Variants in PLA2G4D observed in about 807,000 individuals in gnomAD.
The protein encoded by PLA2G4D is phospholipase A2 group IVD, also known as cytosolic phospholipase A2 delta.
In PLA2G4D, 80 loss-of-function variants were observed where a neutral mutation model predicts 94.4. The ratio of observed to expected loss-of-function variants is 0.85; its 90% confidence interval spans 0.71 to 1.02. The LOEUF is 1.02. PLA2G4D is among the 50% of genes least tolerant of loss of function. PLA2G4D has a pLI of 0.00. For synonymous variants in PLA2G4D, 438 were observed against 440.9 expected, an observed-to-expected ratio of 0.99 and a Z score of 0.08; for missense variants, 1,050 against 1,034.7, an observed-to-expected ratio of 1.01 and a Z score of -0.20.
In PLA2G4D at chr15:42,083,790, C is replaced by A. The variant is rs778530217; in HGVS notation, c.472-11G>T. On this transcript the variant is annotated splice_polypyrimidine_tract_variant and intron_variant, in intron 6 of 19. Coordinates refer to ENST00000290472, the MANE Select transcript of PLA2G4D (RefSeq NM_178034.4). ...TGACAGCTCTCGGGCCTGGGGAAGA[C>A]CACATCATGGGCAGGGGCCTCTGCA... 6 of 1,613,278 alleles carry A rather than the reference C, an allele frequency of 3.7e-6. No individual in the cohort carries two copies. The East Asian group carries it at 1.3e-4, about 36-fold the overall frequency.
chr15:42,086,252 A>C lies in PLA2G4D; in HGVS notation c.348T>G (p.Pro116=). The change falls in exon 4 of 20, where the codon CCT becomes CCG. Residue 116 remains proline, a synonymous_variant. Transcript: ENST00000290472. ...AGAAGGTTTTCCGGAGCAGCTTGCC[A>C]GGGAGGACTTCTGAGATGTCATAGA... ...KVLYDISEVL[P]GKLLRKTFSQ... The C allele has an allele frequency of 7.3e-7, 1 of 1,372,452 alleles. No individual in the cohort carries two copies. Among genetic ancestry groups the C allele is most frequent in the Non-Finnish European group, 9.6e-7 (1 of 1,039,754 alleles). The allele number at this position is 1,372,452 out of a possible 1,614,324, so 85.0% of individuals were successfully genotyped here.
intron 1 of PLA2G4D, 62 bp downstream of exon 1, chr15:42,094,353 G>A: frequency 6.3e-7 from 1 of 1,588,370 alleles, no homozygotes; most frequent in Non-Finnish European, 8.6e-7. Flanking sequence ...ACACTTCCCA[G>A]AATGCACCCT....
chr15:42,072,229 G>A, intron 14 of PLA2G4D, 46 bp downstream of exon 14: 4 of 1,509,556 alleles, frequency 2.6e-6, no homozygotes, highest in Non-Finnish European at 2.8e-6. Context: ...GGGTGCAGAG[G>A]GTTTGGGGGG....
chr15:42,072,081 C>T (rs537619733), intron 14 of PLA2G4D, among the ~76,000 whole-genome samples, 170 bp from the exon 15 acceptor site: 1 of 152,166 alleles, frequency 6.6e-6, no homozygotes, highest in Non-Finnish European at 1.5e-5. Context: ...ACACCCCTCC[C>T]AGCCCTTGGT....
Position 42,083,339 on chromosome 15 carries a change from G to A in PLA2G4D, c.536-5C>T, listed in dbSNP as rs780164642. 6.2e-7 allele frequency: 1 copy of A among 1,611,408 alleles called. No homozygotes were observed. The highest frequency in any genetic ancestry group is 8.5e-7 in the Non-Finnish European group (1 of 1,179,082). On this transcript the variant is annotated splice_region_variant and splice_polypyrimidine_tract_variant and intron_variant, in intron 7 of 19. Transcript: ENST00000290472. The stretch of plus-strand genomic sequence containing the variant: ...CCAGCTCCAGCTTGTCCTGATCTAG[G>A]GAGAGAGTAGGCGGGTTAGCATGAG...
intron 8 of PLA2G4D, among the ~76,000 whole-genome samples, chr15:42,082,871 G>C (rs1247261866): frequency 6.6e-6 from 1 of 152,196 alleles, no homozygotes; most frequent in Non-Finnish European, 1.5e-5. Flanking sequence ...TCGTGCATGG[G>C]GGGAGTGTGG....
At position 42,087,675 on chromosome 15, in the gene PLA2G4D, A is replaced by G; in HGVS notation, c.71T>C (p.Leu24Pro). The G allele has an allele frequency of 6.2e-7, 1 of 1,614,138 alleles. No homozygotes were observed. The highest frequency in any genetic ancestry group is 8.5e-7 in the Non-Finnish European group (1 of 1,180,010). Reference sequence around the variant, plus strand: ...CCGCGCCTCCAGGACCCTCACTGTGAGCTGCCAGCAGGTAGAGGCCTCCCC... The same window carrying G: ...CCGCGCCTCCAGGACCCTCACTGTGGGCTGCCAGCAGGTAGAGGCCTCCCC... ...YQGEASTCWQLTVRVLEARNL... is the reference protein window; with the variant it reads ...YQGEASTCWQPTVRVLEARNL... The change falls in exon 2 of 20, where the codon CTC becomes CCC. Residue 24 changes from leucine to proline, a missense_variant. By Grantham distance (98) the Leu-to-Pro change is moderately conservative. Coordinates refer to ENST00000290472, the MANE Select transcript of PLA2G4D (RefSeq NM_178034.4).
chr15:42,072,127 A>T (rs547883417), intron 14 of PLA2G4D, 148 bp downstream of exon 14: 1 of 964,762 alleles, frequency 1.0e-6, no homozygotes, highest in African/African-American at 1.6e-5. Context: ...TCAAGCACAG[A>T]GAGATGCCCT....
At chr15:42,093,523 T>A (rs575180148) in intron 1 of PLA2G4D, among the ~76,000 whole-genome samples, 20 of 152,266 alleles carry the variant, frequency 1.3e-4, no homozygotes, top group Admixed American at 1.3e-3. Context: ...CTCCCCCGCA[T>A]CCAAATGTCC....
chr15:42,076,798 C>T (rs1889937104), intron 13 of PLA2G4D, among the ~76,000 whole-genome samples: 1 of 152,110 alleles, frequency 6.6e-6, no homozygotes, highest in Non-Finnish European at 1.5e-5. Flanking sequence ...TTTGGCAATA[C>T]CTAGGAAAGT....
At chr15:42,086,853 A>AAAAAC (rs200864190) in intron 3 of PLA2G4D, among the ~76,000 whole-genome samples, 2 of 152,328 alleles carry the variant, frequency 1.3e-5, no homozygotes, top group East Asian at 1.9e-4. Context: ...ACTCTGTCTC[A>AAAAAC]AAAACAAAAC....
In PLA2G4D at chr15:42,075,407, T is replaced by A. The variant is rs552650095; in HGVS notation, c.1318-3015A>T. Among the ~76,000 whole-genome samples, 4 of 152,324 alleles carry A rather than the reference T, an allele frequency of 2.6e-5. No individual in the cohort carries two copies. The South Asian group carries it at 8.3e-4, about 32-fold the overall frequency. ...TGCTGCCACTCAGCAGGAAAGTCAG[T>A]TATTAAAACACAACACCATCAAAAC... On this transcript the variant is annotated intron_variant, in intron 13 of 19. Transcript: ENST00000290472.
rs769707299 is a variant in PLA2G4D, at chr15:42,070,772, C to A, written c.1988G>T (p.Gly663Val). Residue 663 changes from glycine to valine, a missense_variant, in exon 18 of 20, where the codon GGC becomes GTC. Coordinates refer to ENST00000290472, the MANE Select transcript of PLA2G4D (RefSeq NM_178034.4). ...GGAGAGGATGAGGTCCAGCCTGCGG[C>A]CTGGCCGGAACATGGAGGGAGAGCT... ...NTSSPSMFRP[G>V]RRLDLILSFD... 6.3e-7 allele frequency: 1 copy of A among 1,593,712 alleles called. No individual in the cohort carries two copies. The highest frequency in any genetic ancestry group is 8.6e-7 in the Non-Finnish European group (1 of 1,169,540).
At chr15:42,092,606 G>C (rs1890263842) in intron 1 of PLA2G4D, among the ~76,000 whole-genome samples, 1 of 152,088 alleles carries the variant, frequency 6.6e-6, no homozygotes, top group Non-Finnish European at 1.5e-5. Flanking sequence ...GACTAACCCG[G>C]AGGCTTCTGG....
intron 1 of PLA2G4D, among the ~76,000 whole-genome samples, chr15:42,090,814 G>T (rs971646269): frequency 6.6e-6 from 1 of 152,194 alleles, no homozygotes; most frequent in Non-Finnish European, 1.5e-5. Flanking sequence ...AGTTGACAAG[G>T]TTCATCACTA....
chr15:42,087,857 A>G (rs919017808), intron 1 of PLA2G4D, among the ~76,000 whole-genome samples, 157 bp from the exon 2 acceptor site: 5 of 152,150 alleles, frequency 3.3e-5, no homozygotes, highest in Admixed American at 2.6e-4. Context: ...GGGACCAAAG[A>G]GCCTTTGTCC....
At chr15:42,080,472 G>A (rs1292628992) in intron 12 of PLA2G4D, among the ~76,000 whole-genome samples, 1 of 152,100 alleles carries the variant, frequency 6.6e-6, no homozygotes, top group African/African-American at 2.4e-5. Flanking sequence ...CGACCTCAAT[G>A]TCTACACAGT....
intron 13 of PLA2G4D, among the ~76,000 whole-genome samples, chr15:42,073,862 C>T (rs1448863423): frequency 7.9e-5 from 12 of 152,208 alleles, no homozygotes; most frequent in Non-Finnish European, 1.2e-4. Flanking sequence ...TGTGTGTCCT[C>T]CTTGCTGGCA....
At chr15:42,088,115 A>G (rs1421761789) in intron 1 of PLA2G4D, among the ~76,000 whole-genome samples, 1 of 152,184 alleles carries the variant, frequency 6.6e-6, no homozygotes, top group Non-Finnish European at 1.5e-5. Flanking sequence ...TGCTGCCAGC[A>G]CTGCCCACCC....
Sources: gnomAD v4.1 joint callset for allele counts (sites outside exome capture counted in the v4.1 genomes callset) on GRCh38, gnomAD v4.1.1 for gene constraint, MANE v1.5 for transcripts, NCBI Gene and HGNC (gene_info 2026-07-23, HGNC 2026-07-21) for gene names.